Variants in ABR observed in about 807,000 individuals in gnomAD.
The protein encoded by ABR is ABR activator of RhoGEF and GTPase.
A neutral mutation model predicts 107.2 loss-of-function variants in ABR; 35 were observed. The ratio of observed to expected loss-of-function variants is 0.33; its 90% confidence interval spans 0.25 to 0.43. The LOEUF (loss-of-function observed/expected upper bound fraction) is 0.43. Among genes scored for constraint, ABR ranks in the 20% least tolerant of loss-of-function variants. The probability of loss-of-function intolerance (pLI) is 1.00; values close to 1 mark genes in which losing one functional copy is unlikely to be tolerated. For missense variants in ABR, 815 were observed against 1,115.2 expected (o/e 0.73, Z 3.83); for synonymous variants, 498 against 462.0 (o/e 1.08, Z -1.00).
intron 10 of ABR, among the ~76,000 whole-genome samples, chr17:1,066,286 T>C (rs2034732314): frequency 6.6e-6 from 1 of 152,182 alleles, no homozygotes; most frequent in Non-Finnish European, 1.5e-5. Flanking sequence ...AGTGGCCTAT[T>C]ATAGGATAAA....
chr17:1,058,925 G>C, intron 10 of ABR, 58 bp from the exon 11 acceptor site: 1 of 1,602,888 alleles, frequency 6.2e-7, no homozygotes, highest in Non-Finnish European at 8.5e-7. Context: ...CTCACGAGCA[G>C]CACTAAGCAC....
intron 5 of ABR, among the ~76,000 whole-genome samples, chr17:1,082,540 A>G (rs997683605): frequency 7.2e-5 from 11 of 152,012 alleles, no homozygotes; most frequent in Admixed American, 2.6e-4. Context: ...GCTGGGCCTC[A>G]GGAGCAGAAG....
intron 1 of ABR, among the ~76,000 whole-genome samples, chr17:1,214,671 C>A (rs1466813390): frequency 6.6e-6 from 1 of 152,062 alleles, no homozygotes; most frequent in Non-Finnish European, 1.5e-5. Context: ...CGTAGTGGCA[C>A]ATGCCTGTAA....
intron 1 of ABR, among the ~76,000 whole-genome samples, chr17:1,221,544 A>G (rs1435905024): frequency 1.3e-5 from 2 of 152,178 alleles, no homozygotes; most frequent in Admixed American, 6.6e-5. Context: ...ATAAGCCTCT[A>G]TCTTGTTTAA....
rs568203087 is a variant in ABR at position 1,027,251 on chromosome 17, C to A, written c.1792-14087G>T. ...CACCGCGCCCAGCACCGCTGGCTGG[C>A]CAAGCCGTCTGTGGCCTGCAGGGAG... On this transcript the variant is annotated intron_variant, in intron 16 of 22. Transcript: ENST00000302538. This position sits in a 1 kb window ranked among gnomAD's most constrained non-coding sequence, Gnocchi z 4.7. Among the ~76,000 whole-genome samples the A allele has an allele frequency of 6.6e-6, 1 of 152,280 alleles. No homozygotes were observed. Among genetic ancestry groups the A allele is most frequent in the African/African-American group, 2.4e-5 (1 of 41,558 alleles).
upstream of ABR, among the ~76,000 whole-genome samples, chr17:1,191,323 G>A (rs1036465656): frequency 1.3e-5 from 2 of 149,530 alleles, no homozygotes; most frequent in African/African-American, 4.9e-5. Flanking sequence ...GCCTAGTAAC[G>A]ATGTTCTGGA....
chr17:1,059,611 C>T (rs2033701324), intron 10 of ABR, among the ~76,000 whole-genome samples: 1 of 152,170 alleles, frequency 6.6e-6, no homozygotes, highest in Admixed American at 6.5e-5. Flanking sequence ...CAGGTCCCGT[C>T]GGCTCAGCCT....
At chr17:1,015,581 C>T (rs1348228071) in intron 16 of ABR, among the ~76,000 whole-genome samples, 3 of 151,776 alleles carry the variant, frequency 2.0e-5, no homozygotes, top group African/African-American at 2.4e-5. Flanking sequence ...CTCAGCCTCC[C>T]GAGTAGCTGG....
At chr17:1,112,382 C>T (rs1200236488) in intron 2 of ABR, among the ~76,000 whole-genome samples, 6 of 152,214 alleles carry the variant, frequency 3.9e-5, no homozygotes, top group African/African-American at 1.4e-4. Context: ...TGAGTAGCAT[C>T]TGGAAATAGG....
At chr17:1,014,845 C>CA (rs56169870) in intron 16 of ABR, among the ~76,000 whole-genome samples, 10 of 151,574 alleles carry the variant, frequency 6.6e-5, no homozygotes, top group South Asian at 6.3e-4. Flanking sequence ...GACTCCGTCT[C>CA]AAAAAAAACA....
In ABR at chr17:1,159,541, CGGG is replaced by C. The variant is rs1567841365; in HGVS notation, c.61+20123_61+20125del. Among the ~76,000 whole-genome samples the C allele has an allele frequency of 1.3e-4, 11 of 81,774 alleles. 4 individuals are homozygous for C. The highest frequency in any genetic ancestry group is 1.6e-4 in the Non-Finnish European group (6 of 36,366). 53.6% of individuals were successfully genotyped at this position (81,774 alleles called of 152,430 possible). The stretch of plus-strand genomic sequence containing the variant: ...GAAGTAGGAATGCGGTACTCACACA[CGGG>C]AGAAGTAGGAATGCGGTACTCACAC... On this transcript the variant is annotated intron_variant, in intron 1 of 22. Transcript: ENST00000302538.
rs549077018 is a variant in ABR, at chr17:1,086,776, C to T, written c.532-3149G>A. Among the ~76,000 whole-genome samples the T allele has an allele frequency of 1.3e-4, 20 of 152,284 alleles. No individual in the cohort carries two copies. The South Asian group carries it at 3.5e-3, about 27-fold the overall frequency. ...TCCGCCTCCCAAAGTGCTGGGATTA[C>T]GGGCGTGAGCCACCACGCCTGGCTT... On this transcript the variant is annotated intron_variant, in intron 4 of 22. Coordinates refer to ENST00000302538, the MANE Select transcript of ABR (RefSeq NM_021962.5).
Position 1,148,134 on chromosome 17 carries a change from G to A in ABR, c.62-22767C>T, listed in dbSNP as rs964636946. Among the ~76,000 whole-genome samples the A allele has an allele frequency of 1.6e-4, 24 of 152,180 alleles. No homozygotes were observed. Among genetic ancestry groups the A allele is most frequent in the African/African-American group, 5.3e-4 (22 of 41,446 alleles). ...GAGTGAAGTAAGCCCAAAGGTTGTC[G>A]GGGAAATACCCGCATTCCTAAGAGC... On this transcript the variant is annotated intron_variant, in intron 1 of 22. Transcript: ENST00000302538. This position sits in a 1 kb window ranked among gnomAD's most constrained non-coding sequence, Gnocchi z 4.9.
intron 14 of ABR, among the ~76,000 whole-genome samples, chr17:1,053,471 G>C (rs926217455): frequency 6.6e-6 from 1 of 151,992 alleles, no homozygotes; most frequent in African/African-American, 2.4e-5. Context: ...GAGGGTTCCG[G>C]AGTCAGACCA....
intron 1 of ABR, among the ~76,000 whole-genome samples, chr17:1,196,256 C>G (rs181059785): frequency 6.5e-4 from 99 of 152,008 alleles, no homozygotes; most frequent in African/African-American, 2.3e-3. Flanking sequence ...ATGGCGAAAC[C>G]CTCTTTCTAC....
Position 1,050,465 on chromosome 17 carries a change from C to G in ABR, c.1659+72G>C. 3.6e-6 allele frequency: 5 copies of G among 1,393,616 alleles called. No individual in the cohort carries two copies. Among genetic ancestry groups the G allele is most frequent in the Non-Finnish European group, 5.1e-6 (5 of 980,886 alleles). The allele number at this position is 1,393,616 out of a possible 1,614,324, so 86.3% of individuals were successfully genotyped here. ...ATAGCTGGTCCAACCAATGGGCTGG[C>G]CGTCCCCAGCAGACAAGCCACGAGC... is the stretch of plus-strand genomic sequence containing the variant. On this transcript the variant is annotated intron_variant, in intron 15 of 22. Coordinates refer to ENST00000302538, the MANE Select transcript of ABR (RefSeq NM_021962.5). The surrounding 1 kb of genome is among the most constrained non-coding windows in gnomAD (Gnocchi z 4.6).
At chr17:1,109,390 C>T (rs1173900024) in intron 2 of ABR, among the ~76,000 whole-genome samples, 1 of 151,942 alleles carries the variant, frequency 6.6e-6, no homozygotes, top group Admixed American at 6.6e-5. Flanking sequence ...CCGCAGGGCC[C>T]GCCCTTCCCG....
upstream of ABR, among the ~76,000 whole-genome samples, chr17:1,191,616 A>C (rs2042438339): frequency 6.6e-6 from 1 of 152,014 alleles, no homozygotes; most frequent in Non-Finnish European, 1.5e-5. Context: ...TTGGCCTCCC[A>C]AAGTGCTGGG....
In ABR at chr17:1,103,850, A is replaced by C. The variant is rs941014385; in HGVS notation, c.247-3115T>G. Among the ~76,000 whole-genome samples, 6 of 152,154 alleles carry C rather than the reference A, an allele frequency of 3.9e-5. No homozygotes were observed. The East Asian group carries it at 1.2e-3, about 29-fold the overall frequency. On this transcript the variant is annotated intron_variant, in intron 2 of 22. Coordinates refer to ENST00000302538, the MANE Select transcript of ABR (RefSeq NM_021962.5). ...ACAGGAGACCCGTTGCTCAGTCACC[A>C]CCAAAGGAAGGCCTGTTCCATCTCC...
Sources: gnomAD v4.1 joint callset for allele counts (sites outside exome capture counted in the v4.1 genomes callset) on GRCh38, gnomAD v4.1.1 for gene constraint, Gnocchi (gnomAD v3.1) non-coding constraint, MANE v1.5 for transcripts, NCBI Gene and HGNC (gene_info 2026-07-23, HGNC 2026-07-21) for gene names.